The following PRDM11 variants were observed in gnomAD, a reference collection of about 807,000 sequenced individuals.
PRDM11 encodes PR domain-containing protein 11.
In PRDM11, 20 loss-of-function variants were observed where a neutral mutation model predicts 97.8. That is an observed-to-expected ratio of 0.20 (90% CI 0.14 to 0.30). The LOEUF (loss-of-function observed/expected upper bound fraction) is 0.30. Ranked by LOEUF, PRDM11 falls within the 10% of genes least tolerant of loss-of-function variation. The pLI is 1.00. For missense variants in PRDM11, 1,139 were observed against 1,555.2 expected (o/e 0.73, Z 4.50); for synonymous variants, 599 against 637.7 (o/e 0.94, Z 0.91).
intron 1 of PRDM11, among the ~76,000 whole-genome samples, chr11:45,129,722 G>C (rs1382017089): frequency 6.6e-6 from 1 of 152,044 alleles, no homozygotes; most frequent in Non-Finnish European, 1.5e-5. Context: ...TCTCCAAATT[G>C]ATCTACAGAT....
intron 1 of PRDM11, among the ~76,000 whole-genome samples, chr11:45,152,321 T>C (rs1851679732): frequency 6.6e-6 from 1 of 152,086 alleles, no homozygotes; most frequent in Non-Finnish European, 1.5e-5. Context: ...CCTGCCTCAG[T>C]CTCCCAAAGT....
chr11:45,220,133 T>C (rs1854078312), intron 6 of PRDM11, among the ~76,000 whole-genome samples: 3 of 152,238 alleles, frequency 2.0e-5, no homozygotes, highest in Admixed American at 6.5e-5. Context: ...TAACATTTAC[T>C]AAATACTCAA....
At chr11:45,213,901 C>T in intron 5 of PRDM11, 1 of 365,572 alleles carries the variant, frequency 2.7e-6, no homozygotes, top group African/African-American at 2.1e-5. Flanking sequence ...CAGGTCTTGC[C>T]CCTTGCCAGG....
chr11:45,135,125 T>C (rs1312695473), intron 1 of PRDM11, among the ~76,000 whole-genome samples: 1 of 140,764 alleles, frequency 7.1e-6, no homozygotes, highest in African/African-American at 3.0e-5. Context: ...CAATTTTAAT[T>C]ATACTCTCTC....
At chr11:45,113,788 TTGTGTGTGTGTG>T (rs142584346) in intron 1 of PRDM11, among the ~76,000 whole-genome samples, 6,987 of 137,190 alleles carry the variant, frequency 0.051, 384 homozygotes, top group African/African-American at 0.13. Context: ...TGCTACTGAT[TTGTGTGTGTGTG>T]TGTGTGTGTG....
At chr11:45,221,909 C>A (rs1470116560) in intron 6 of PRDM11, among the ~76,000 whole-genome samples, 2 of 152,120 alleles carry the variant, frequency 1.3e-5, no homozygotes, top group African/African-American at 4.8e-5. Flanking sequence ...GATGGGTGTG[C>A]CATTGCTGCT....
intron 1 of PRDM11, among the ~76,000 whole-genome samples, chr11:45,119,443 C>T (rs970642023): frequency 6.6e-6 from 1 of 151,756 alleles, no homozygotes; most frequent in African/African-American, 2.4e-5. Context: ...CTGGCTAACA[C>T]GGTGAAACCC....
intron 1 of PRDM11, among the ~76,000 whole-genome samples, chr11:45,180,380 C>T (rs1332227894): frequency 3.9e-5 from 6 of 152,250 alleles, no homozygotes; most frequent in South Asian, 4.1e-4. Context: ...CTGTCGTCGC[C>T]GCCACACCAA....
intron 5 of PRDM11, among the ~76,000 whole-genome samples, chr11:45,214,951 T>C (rs1853913704): frequency 6.6e-6 from 1 of 152,214 alleles, no homozygotes; most frequent in Admixed American, 6.5e-5. Flanking sequence ...AGGAAGGGCA[T>C]GCATGCACGA....
intron 1 of PRDM11, among the ~76,000 whole-genome samples, 194 bp downstream of exon 1, chr11:45,147,071 C>CGTGGCCGCGAGGTGG (rs1310874750): frequency 6.8e-6 from 1 of 147,272 alleles, no homozygotes; most frequent in African/African-American, 2.5e-5. Flanking sequence ...GGCGGCCCGC[C>CGTGGCCGCGAGGTGG]GTGGCCGCGA....
intron 1 of PRDM11, chr11:45,147,581 G>C (rs1390407792): frequency 2.0e-5 from 3 of 152,602 alleles, no homozygotes; most frequent in Non-Finnish European, 2.9e-5. Context: ...CAGTCCCCAA[G>C]GTACTCTCCT....
At chr11:45,194,375 T>C (rs1478935307) in intron 4 of PRDM11, among the ~76,000 whole-genome samples, 1 of 152,190 alleles carries the variant, frequency 6.6e-6, no homozygotes, top group Non-Finnish European at 1.5e-5. Context: ...TGGGGTTTCT[T>C]GGTGTTTGAA....
At chr11:45,103,413 T>C (rs1330277480) in intron 1 of PRDM11, among the ~76,000 whole-genome samples, 1 of 152,188 alleles carries the variant, frequency 6.6e-6, no homozygotes, top group Non-Finnish European at 1.5e-5. Context: ...ATAACTTGTA[T>C]AGCCTATATG....
At chr11:45,165,447 G>C (rs973807368) in intron 1 of PRDM11, among the ~76,000 whole-genome samples, 8 of 152,250 alleles carry the variant, frequency 5.3e-5, no homozygotes, top group Non-Finnish European at 1.0e-4. Context: ...CATCTCCTCT[G>C]AGGCTGGGTT....
Position 45,181,753 on chromosome 11 carries a change from C to T in PRDM11, c.-6-8C>T, listed in dbSNP as rs200691696. The stretch of plus-strand genomic sequence containing the variant: ...CTTCCTGTGCTGGTCCCACCTCCTG[C>T]GTCCCAGGACAGAATGACCGAGAAC... On this transcript the variant is annotated splice_region_variant and splice_polypyrimidine_tract_variant and intron_variant, in intron 1 of 7. Coordinates refer to ENST00000683152, the MANE Select transcript of PRDM11 (RefSeq NM_001384648.1). 82 of 1,606,912 alleles carry T rather than the reference C, an allele frequency of 5.1e-5. No homozygotes were observed. The African/African-American group carries it at 9.5e-4, about 19-fold the overall frequency.
chr11:45,135,485 T>G (rs748284692), intron 1 of PRDM11, among the ~76,000 whole-genome samples: 2 of 152,184 alleles, frequency 1.3e-5, no homozygotes, highest in Non-Finnish European at 2.9e-5. Context: ...TTTATAAAAA[T>G]CAATAGCTTT....
intron 1 of PRDM11, among the ~76,000 whole-genome samples, chr11:45,154,706 A>G (rs1015473293): frequency 6.6e-6 from 1 of 151,370 alleles, no homozygotes; most frequent in Admixed American, 6.6e-5. Context: ...AGCAACCAGA[A>G]CTCTCCTCCT....
intron 1 of PRDM11, among the ~76,000 whole-genome samples, chr11:45,129,685 T>C (rs1037561532): frequency 2.0e-5 from 3 of 152,182 alleles, no homozygotes; most frequent in Admixed American, 6.5e-5. Flanking sequence ...GAAGAATCAA[T>C]ATTGTTTCTC....
Position 45,231,166 on chromosome 11 carries a change from A to T in PRDM11, c.*3007A>T, listed in dbSNP as rs996735413. The T allele has an allele frequency of 6.6e-6, 1 of 152,200 alleles. No homozygotes were observed. The highest frequency in any genetic ancestry group is 1.5e-5 in the Non-Finnish European group (1 of 68,038). 9.4% of individuals were successfully genotyped at this position (152,200 alleles called of 1,614,324 possible). On this transcript the variant is annotated 3_prime_UTR_variant, in exon 8 of 8. Coordinates refer to ENST00000683152, the MANE Select transcript of PRDM11 (RefSeq NM_001384648.1). ...AGGCCACACTGCCATGGGACAGGGA[A>T]TAATTTGGGTGATACACCACTGCAA...
Sources: gnomAD v4.1 joint callset for allele counts (sites outside exome capture counted in the v4.1 genomes callset) on GRCh38, gnomAD v4.1.1 for gene constraint, MANE v1.5 for transcripts, NCBI Gene and HGNC (gene_info 2026-07-23, HGNC 2026-07-21) for gene names.